GRM5: variants seen among roughly 807,000 people sequenced by gnomAD.
The protein encoded by GRM5 is metabotropic glutamate receptor 5.
In GRM5, 19 loss-of-function variants were observed where a neutral mutation model predicts 83.1. The ratio of observed to expected loss-of-function variants is 0.23; its 90% CI spans 0.16 to 0.34. The LOEUF (loss-of-function observed/expected upper bound fraction) is 0.34. Ranked by LOEUF, GRM5 falls within the 10% of genes least tolerant of loss-of-function variation. The pLI, the probability that GRM5 is intolerant of heterozygous loss-of-function variation, is 1.00. For synonymous variants in GRM5, 675 were observed against 633.6 expected (o/e 1.07, Z -0.98); for missense variants, 1,160 against 1,588.3 (o/e 0.73, Z 4.58).
chr11:88,918,778 T>C (rs1945638074), intron 2 of GRM5, among the ~76,000 whole-genome samples: 1 of 152,030 alleles, frequency 6.6e-6, no homozygotes, highest in South Asian at 2.1e-4. Flanking sequence ...GAGTTTTTAT[T>C]AGTTTTTCTT....
chr11:88,953,384 T>C (rs1223515215), intron 2 of GRM5, among the ~76,000 whole-genome samples: 1 of 152,210 alleles, frequency 6.6e-6, no homozygotes, highest in Non-Finnish European at 1.5e-5. Context: ...ACCTGGAGAA[T>C]GACTAATTTG....
chr11:88,553,203 G>C (rs1942550715), intron 8 of GRM5, among the ~76,000 whole-genome samples: 1 of 152,132 alleles, frequency 6.6e-6, no homozygotes, highest in African/African-American at 2.4e-5. Flanking sequence ...TCAATCAAAG[G>C]GAAAAGTGCT....
intron 8 of GRM5, among the ~76,000 whole-genome samples, chr11:88,548,593 A>G (rs1259018852): frequency 2.6e-5 from 4 of 152,210 alleles, no homozygotes; most frequent in African/African-American, 7.2e-5. Context: ...CATTTAATTA[A>G]TCACTACAAA....
intron 4 of GRM5, among the ~76,000 whole-genome samples, chr11:88,640,249 A>G (rs1008280962): frequency 6.6e-6 from 1 of 152,158 alleles, no homozygotes; most frequent in Non-Finnish European, 1.5e-5. Flanking sequence ...TACTACATGC[A>G]CTAGTATCAT....
chr11:88,787,484 A>G (rs933736336), intron 3 of GRM5, among the ~76,000 whole-genome samples: 7 of 152,182 alleles, frequency 4.6e-5, no homozygotes, highest in African/African-American at 7.2e-5. Context: ...GAAAGTATCA[A>G]ATGATTTTAA....
At chr11:88,979,224 C>A (rs1939443539) in intron 2 of GRM5, among the ~76,000 whole-genome samples, 2 of 152,126 alleles carry the variant, frequency 1.3e-5, no homozygotes, top group South Asian at 2.1e-4. Flanking sequence ...AAAAACCAGT[C>A]TTTTAAAACA....
chr11:88,518,065 G>A (rs1941572670), intron 9 of GRM5, among the ~76,000 whole-genome samples: 1 of 151,734 alleles, frequency 6.6e-6, no homozygotes, highest in African/African-American at 2.4e-5. Flanking sequence ...TGAGATGAGA[G>A]AGTCATAGAA....
chr11:88,723,449 C>CTGT (rs917581140), intron 3 of GRM5, among the ~76,000 whole-genome samples: 1 of 152,132 alleles, frequency 6.6e-6, no homozygotes, highest in African/African-American at 2.4e-5. Flanking sequence ...ATGTAGGAAA[C>CTGT]TGTTTGTTCG....
chr11:88,915,978 C>T (rs1422031906), intron 2 of GRM5, among the ~76,000 whole-genome samples: 1 of 152,084 alleles, frequency 6.6e-6, no homozygotes, highest in African/African-American at 2.4e-5. Context: ...GTCAAACAAT[C>T]CTGAAAGGCT....
At chr11:88,946,972 G>A (rs1938301800) in intron 2 of GRM5, among the ~76,000 whole-genome samples, 1 of 151,928 alleles carries the variant, frequency 6.6e-6, no homozygotes, top group African/African-American at 2.4e-5. Flanking sequence ...TTTACCTATG[G>A]GGAAAATCTT....
intron 3 of GRM5, among the ~76,000 whole-genome samples, chr11:88,777,280 G>A (rs1229320706): frequency 2.0e-5 from 3 of 152,174 alleles, no homozygotes; most frequent in Non-Finnish European, 4.4e-5. Context: ...ATGGTTTCCA[G>A]CTCCATCAGG....
intron 2 of GRM5, among the ~76,000 whole-genome samples, chr11:88,927,934 A>G (rs1945817372): frequency 6.6e-6 from 1 of 152,104 alleles, no homozygotes; most frequent in Non-Finnish European, 1.5e-5. Context: ...AATATGATTT[A>G]AAAAGCCCCC....
chr11:88,885,728 G>T (rs1344862616), intron 2 of GRM5, among the ~76,000 whole-genome samples: 2 of 152,070 alleles, frequency 1.3e-5, no homozygotes, highest in Admixed American at 1.3e-4. Flanking sequence ...CACTTAGGGA[G>T]ATAGCAAGGG....
chr11:88,666,820 A>G (rs1940056723), intron 3 of GRM5, among the ~76,000 whole-genome samples: 1 of 152,218 alleles, frequency 6.6e-6, no homozygotes, highest in African/African-American at 2.4e-5. Flanking sequence ...CTGGATGAAC[A>G]TACAACCAGA....
intron 2 of GRM5, among the ~76,000 whole-genome samples, chr11:88,993,639 A>G (rs1940070831): frequency 6.6e-6 from 1 of 152,218 alleles, no homozygotes; most frequent in South Asian, 2.1e-4. Context: ...TATATATAGA[A>G]AACCCTAAAG....
chr11:88,974,830 A>T (rs1268670509), intron 2 of GRM5, among the ~76,000 whole-genome samples: 2 of 152,208 alleles, frequency 1.3e-5, no homozygotes, highest in African/African-American at 4.8e-5. Context: ...GTAAGTAGGA[A>T]CATACTAGAA....
rs951830466 is a variant in GRM5, at chr11:88,579,034, T to C, written c.1691-11042A>G. 3.9e-5 allele frequency among the ~76,000 whole-genome samples: 6 copies of C among 152,284 alleles called. 1 individual carries two copies. Among genetic ancestry groups the C allele is most frequent in the African/African-American group, 1.4e-4 (6 of 41,586 alleles). On this transcript the variant is annotated intron_variant, in intron 7 of 9. Coordinates refer to ENST00000305447, the MANE Select transcript of GRM5 (RefSeq NM_001143831.3). The stretch of plus-strand genomic sequence containing the variant: ...TACTCTCCTGCTTACTGTGTGATCA[T>C]GAGCATGGATATTTTCAATTTTCAA...
intron 3 of GRM5, among the ~76,000 whole-genome samples, chr11:88,787,130 G>C (rs1943086608): frequency 1.1e-5 from 1 of 87,856 alleles, no homozygotes; most frequent in African/African-American, 4.2e-5. Context: ...TATATGATAT[G>C]ATGTGTGTGT....
intron 3 of GRM5, among the ~76,000 whole-genome samples, chr11:88,685,357 C>T (rs1940593771): frequency 6.6e-6 from 1 of 152,160 alleles, no homozygotes; most frequent in African/African-American, 2.4e-5. Context: ...GCAAAGCATT[C>T]AAAAGGTGAC....
Sources: allele counts gnomAD v4.1 joint callset (sites outside exome capture counted in the v4.1 genomes callset), GRCh38; gene constraint gnomAD v4.1.1; transcripts MANE v1.5; gene names NCBI Gene and HGNC (gene_info 2026-07-23, HGNC 2026-07-21).